Variants in CACNA2D3 observed in about 807,000 individuals in gnomAD.
The protein encoded by CACNA2D3 is voltage-dependent calcium channel subunit alpha-2/delta-3.
In CACNA2D3, 60 loss-of-function variants were observed where a neutral mutation model predicts 160.6. The ratio of observed to expected loss-of-function variants is 0.37; its 90% CI spans 0.30 to 0.46. The LOEUF (loss-of-function observed/expected upper bound fraction) is 0.46, where lower values mean the gene tolerates loss of function less well. CACNA2D3 is among the 20% of genes least tolerant of loss of function. The probability of loss-of-function intolerance (pLI) is 1.00; values close to 1 mark genes in which losing one functional copy is unlikely to be tolerated. For synonymous variants in CACNA2D3, 558 were observed against 492.9 expected (o/e 1.13, Z -1.75); for missense variants, 1,205 against 1,365.0 (o/e 0.88, Z 1.85).
chr3:54,271,955 C>G (rs1276254654), intron 2 of CACNA2D3, among the ~76,000 whole-genome samples: 1 of 152,228 alleles, frequency 6.6e-6, no homozygotes, highest in Non-Finnish European at 1.5e-5. Context: ...TTGGGCAATT[C>G]TTCAGGGAGT....
At chr3:54,993,885 A>AGTGTGT (rs34012508) in intron 31 of CACNA2D3, among the ~76,000 whole-genome samples, 2,035 of 111,488 alleles carry the variant, frequency 0.018, 17 homozygotes, top group East Asian at 0.031. Flanking sequence ...TGCAACTGCT[A>AGTGTGT]GTGTGTGTGT....
At chr3:54,646,752 T>C (rs535383700) in intron 11 of CACNA2D3, among the ~76,000 whole-genome samples, 2 of 152,238 alleles carry the variant, frequency 1.3e-5, no homozygotes, top group Non-Finnish European at 2.9e-5. Flanking sequence ...GAATGATTTA[T>C]ATTCCTTTGG....
At chr3:54,298,205 T>C (rs901146472) in intron 2 of CACNA2D3, among the ~76,000 whole-genome samples, 1 of 150,566 alleles carries the variant, frequency 6.6e-6, no homozygotes, top group Non-Finnish European at 1.5e-5. Context: ...GAGGGGAGAG[T>C]GAGGGCAAAT....
At chr3:54,322,174 A>C (rs535931565) in intron 3 of CACNA2D3, among the ~76,000 whole-genome samples, 26 of 152,148 alleles carry the variant, frequency 1.7e-4, no homozygotes, top group Non-Finnish European at 3.8e-4. Flanking sequence ...CAGAACCTAG[A>C]CCTCACCTCC....
intron 8 of CACNA2D3, among the ~76,000 whole-genome samples, chr3:54,577,056 A>C (rs1702596864): frequency 6.6e-6 from 1 of 152,074 alleles, no homozygotes; most frequent in Non-Finnish European, 1.5e-5. Flanking sequence ...CAAACAAACA[A>C]AAACAAACAA....
rs555831155 is a variant in CACNA2D3, at chr3:54,551,845, T to A, written c.545-10955T>A. Among the ~76,000 whole-genome samples, 13 of 152,318 alleles carry A rather than the reference T, an allele frequency of 8.5e-5. No individual in the cohort carries two copies. In the East Asian group the frequency reaches 2.3e-3, roughly 27 times the overall value. On this transcript the variant is annotated intron_variant, in intron 5 of 37. Coordinates refer to ENST00000474759, the MANE Select transcript of CACNA2D3 (RefSeq NM_018398.3). ...TCTGTGCTCACCCCATTTCTGAACC[T>A]TTCCAAAATGAGCCTTATGTCCTTT...
At chr3:55,022,458 A>T (rs557403223) in intron 35 of CACNA2D3, among the ~76,000 whole-genome samples, 3 of 152,192 alleles carry the variant, frequency 2.0e-5, no homozygotes, top group Admixed American at 2.0e-4. Flanking sequence ...GGTGCTTACC[A>T]ACAAGTTTGG....
At chr3:54,624,045 G>A (rs1158253426) in intron 9 of CACNA2D3, among the ~76,000 whole-genome samples, 1 of 152,128 alleles carries the variant, frequency 6.6e-6, no homozygotes, top group Non-Finnish European at 1.5e-5. Flanking sequence ...GAGAGAGAGA[G>A]AGGAGGGAGA....
At chr3:54,541,278 GAAAAAAAA>G (rs141900915) in intron 5 of CACNA2D3, among the ~76,000 whole-genome samples, 6 of 81,712 alleles carry the variant, frequency 7.3e-5, no homozygotes, top group Non-Finnish European at 1.1e-4. Flanking sequence ...CTCCGTCTCA[GAAAAAAAA>G]AAAAAAAAAA....
At position 54,642,250 on chromosome 3, in the gene CACNA2D3, A is replaced by G. The variant is rs1405790554; in HGVS notation, c.1167+9A>G. 2 of 1,557,866 alleles carry G rather than the reference A, an allele frequency of 1.3e-6. No homozygotes were observed. The highest frequency in any genetic ancestry group is 2.3e-5 in the South Asian group (2 of 87,570). ...ATTGGCCAGATCGAAAGGTAAGTTG[A>G]TGCTGATCCCGTCTGTGCGGTGGAC... On this transcript the variant is annotated intron_variant, in intron 11 of 37. Coordinates refer to ENST00000474759, the MANE Select transcript of CACNA2D3 (RefSeq NM_018398.3).
chr3:54,183,424 C>T (rs899264733), intron 2 of CACNA2D3, among the ~76,000 whole-genome samples: 1 of 151,928 alleles, frequency 6.6e-6, no homozygotes, highest in East Asian at 1.9e-4. Context: ...TGTCACATAG[C>T]TGATTGGTGG....
chr3:54,346,915 A>G (rs1241489310), intron 3 of CACNA2D3, among the ~76,000 whole-genome samples: 1 of 152,248 alleles, frequency 6.6e-6, no homozygotes, highest in Non-Finnish European at 1.5e-5. Flanking sequence ...AATGTGCACA[A>G]CATAAAGTTT....
At chr3:55,004,733 G>T (rs1365982595) in intron 31 of CACNA2D3, 30 bp from the exon 32 acceptor site, 5 of 1,501,398 alleles carry the variant, frequency 3.3e-6, no homozygotes, top group Non-Finnish European at 4.6e-6. Flanking sequence ...TTCTCATTTA[G>T]TGAAGCTCCC....
At chr3:54,360,096 C>A (rs1698716697) in intron 3 of CACNA2D3, among the ~76,000 whole-genome samples, 1 of 152,194 alleles carries the variant, frequency 6.6e-6, no homozygotes, top group Non-Finnish European at 1.5e-5. Flanking sequence ...TGGCCCCCCA[C>A]CTTTTTTTGT....
At chr3:54,438,950 C>G (rs1246579843) in intron 4 of CACNA2D3, among the ~76,000 whole-genome samples, 1 of 152,154 alleles carries the variant, frequency 6.6e-6, no homozygotes, top group Non-Finnish European at 1.5e-5. Flanking sequence ...CATTTTGTAC[C>G]TCCTATAACT....
chr3:55,043,450 A>G (rs778098279), intron 35 of CACNA2D3, among the ~76,000 whole-genome samples: 3 of 151,864 alleles, frequency 2.0e-5, no homozygotes, highest in Non-Finnish European at 2.9e-5. Flanking sequence ...TGTGATCTAC[A>G]TCTTATTCAA....
chr3:54,445,614 G>A (rs996810251), intron 4 of CACNA2D3, among the ~76,000 whole-genome samples: 2 of 147,558 alleles, frequency 1.4e-5, no homozygotes, highest in African/African-American at 5.0e-5. Context: ...AGAAAATGGA[G>A]CATTCATATC....
At chr3:54,680,511 C>T (rs1700323317) in intron 11 of CACNA2D3, among the ~76,000 whole-genome samples, 1 of 152,220 alleles carries the variant, frequency 6.6e-6, no homozygotes, top group Non-Finnish European at 1.5e-5. Flanking sequence ...ACTTCTTATT[C>T]TGTCTGGGTA....
intron 11 of CACNA2D3, among the ~76,000 whole-genome samples, chr3:54,698,461 T>C (rs1404034772): frequency 6.6e-6 from 1 of 152,254 alleles, no homozygotes; most frequent in African/African-American, 2.4e-5. Flanking sequence ...TTTTAAAACT[T>C]GCCTTAGGAA....
Sources: allele counts gnomAD v4.1 joint callset (sites outside exome capture counted in the v4.1 genomes callset), GRCh38; gene constraint gnomAD v4.1.1; transcripts MANE v1.5; gene names NCBI Gene and HGNC (gene_info 2026-07-23, HGNC 2026-07-21).